Variants in SEMA3E observed in about 807,000 individuals in gnomAD.
The protein encoded by SEMA3E is semaphorin-3E.
Under a neutral mutation model 93.6 loss-of-function variants are expected in SEMA3E, and 49 were observed. That is an observed-to-expected ratio of 0.52 (90% CI 0.42 to 0.66). SEMA3E has a LOEUF of 0.66. Ranked by LOEUF, SEMA3E falls within the 30% of genes least tolerant of loss-of-function variation. The pLI is 0.00. For missense variants in SEMA3E, 906 were observed against 964.8 expected, an observed-to-expected ratio of 0.94 and a Z score of 0.81; for synonymous variants, 363 against 330.7, an observed-to-expected ratio of 1.10 and a Z score of -1.06.
chr7:83,616,863 T>C (rs1275282026), intron 1 of SEMA3E, among the ~76,000 whole-genome samples: 1 of 152,056 alleles, frequency 6.6e-6, no homozygotes. Context: ...TAGCTGGGAT[T>C]ACAGGAGCCT....
At chr7:83,605,712 G>A (rs1232361829) in intron 1 of SEMA3E, among the ~76,000 whole-genome samples, 3 of 152,110 alleles carry the variant, frequency 2.0e-5, no homozygotes, top group East Asian at 1.9e-4. Flanking sequence ...TTACAGGTAC[G>A]TGAGCCACTG....
At chr7:83,566,709 C>T (rs775638439) in intron 1 of SEMA3E, among the ~76,000 whole-genome samples, 36 of 152,210 alleles carry the variant, frequency 2.4e-4, no homozygotes, top group South Asian at 8.3e-4. Context: ...AGAACATAAT[C>T]TGGAAGCTAA....
At chr7:83,380,657 T>C (rs190659943) in intron 16 of SEMA3E, among the ~76,000 whole-genome samples, 1 of 152,114 alleles carries the variant, frequency 6.6e-6, no homozygotes, top group East Asian at 1.9e-4. Context: ...GAGACAATTT[T>C]CTTTTTCCTT....
At chr7:83,554,750 G>A (rs1280650800) in intron 1 of SEMA3E, among the ~76,000 whole-genome samples, 1 of 152,126 alleles carries the variant, frequency 6.6e-6, no homozygotes, top group African/African-American at 2.4e-5. Context: ...GCCGAGGTGG[G>A]CAGATCACGA....
chr7:83,440,283 A>G (rs891122221), intron 4 of SEMA3E, among the ~76,000 whole-genome samples: 4 of 152,126 alleles, frequency 2.6e-5, no homozygotes, highest in Non-Finnish European at 4.4e-5. Flanking sequence ...AGGAGAACAT[A>G]GGAGCCTATT....
intron 4 of SEMA3E, among the ~76,000 whole-genome samples, chr7:83,453,395 C>T (rs375183501): frequency 6.9e-6 from 1 of 145,858 alleles, no homozygotes; most frequent in South Asian, 2.2e-4. Flanking sequence ...AACTCCAATG[C>T]GTAAAATAAT....
chr7:83,493,348 A>T (rs1051668096), intron 1 of SEMA3E, among the ~76,000 whole-genome samples: 6 of 151,912 alleles, frequency 3.9e-5, no homozygotes, highest in Non-Finnish European at 5.9e-5. Context: ...AAATGATTAT[A>T]ATGTCAGTGA....
intron 10 of SEMA3E, 107 bp downstream of exon 10, chr7:83,402,525 A>T: frequency 1.0e-6 from 1 of 959,090 alleles, no homozygotes; most frequent in South Asian, 1.4e-5. Context: ...ACTTTTAGGT[A>T]TAGTATTCCT....
intron 4 of SEMA3E, among the ~76,000 whole-genome samples, chr7:83,463,259 G>C (rs1244639517): frequency 1.3e-5 from 2 of 151,872 alleles, no homozygotes; most frequent in Non-Finnish European, 2.9e-5. Context: ...TAGCCTTTAT[G>C]TCCAAACAAC....
intron 1 of SEMA3E, among the ~76,000 whole-genome samples, chr7:83,626,966 C>A (rs751007691): frequency 3.0e-4 from 45 of 152,154 alleles, no homozygotes; most frequent in Non-Finnish European, 5.6e-4. Flanking sequence ...GTTATTTACC[C>A]ACTAGTCATT....
At chr7:83,481,700 G>A (rs1221433175) in intron 2 of SEMA3E, among the ~76,000 whole-genome samples, 2 of 152,150 alleles carry the variant, frequency 1.3e-5, no homozygotes, top group Admixed American at 1.3e-4. Flanking sequence ...TTGGGAAAGA[G>A]TATGATCACA....
intron 1 of SEMA3E, among the ~76,000 whole-genome samples, chr7:83,561,417 A>G (rs978769840): frequency 2.6e-5 from 4 of 152,106 alleles, no homozygotes; most frequent in Admixed American, 2.0e-4. Flanking sequence ...ATTTCACTGT[A>G]GACTTTTCAG....
At chr7:83,373,388 A>G (rs1299923234) in intron 16 of SEMA3E, among the ~76,000 whole-genome samples, 2 of 152,156 alleles carry the variant, frequency 1.3e-5, no homozygotes, top group Non-Finnish European at 2.9e-5. Context: ...GACCAATTTT[A>G]TACATATACA....
chr7:83,450,570 A>G (rs1789338450), intron 4 of SEMA3E, among the ~76,000 whole-genome samples: 1 of 152,190 alleles, frequency 6.6e-6, no homozygotes, highest in South Asian at 2.1e-4. Context: ...CTATGATGAT[A>G]GAAATCATAA....
chr7:83,447,360 C>T (rs1026218940), intron 4 of SEMA3E, among the ~76,000 whole-genome samples: 1 of 151,998 alleles, frequency 6.6e-6, no homozygotes, highest in African/African-American at 2.4e-5. Flanking sequence ...TATGGTGAAA[C>T]CCCGTCTCTA....
intron 1 of SEMA3E, among the ~76,000 whole-genome samples, chr7:83,555,472 T>C (rs142331208): frequency 6.6e-6 from 1 of 152,342 alleles, no homozygotes; most frequent in Non-Finnish European, 1.5e-5. Context: ...TTTTATTAGA[T>C]AAAATTGTCA....
At chr7:83,537,780 C>T (rs1286256926) in intron 1 of SEMA3E, among the ~76,000 whole-genome samples, 1 of 152,146 alleles carries the variant, frequency 6.6e-6, no homozygotes, top group African/African-American at 2.4e-5. Context: ...ACCATCACAA[C>T]AGTCAATATT....
Position 83,405,402 on chromosome 7 carries a change from G to C in SEMA3E, c.998+48C>G, listed in dbSNP as rs755984442. Reference sequence around the variant, plus strand: ...ACACCATGAAGGGAGAGTCCGGTGAGGCATCTCTTGTTCTATATTGTTTTT... The same window carrying C: ...ACACCATGAAGGGAGAGTCCGGTGACGCATCTCTTGTTCTATATTGTTTTT... On this transcript the variant is annotated intron_variant, in intron 9 of 16. Transcript: ENST00000643230. 2.3e-6 allele frequency: 3 copies of C among 1,329,872 alleles called. No individual in the cohort carries two copies. In the South Asian group the frequency reaches 3.5e-5, roughly 16 times the overall value. The allele number at this position is 1,329,872 out of a possible 1,614,324, so 82.4% of individuals were successfully genotyped here.
Position 83,394,323 on chromosome 7 carries a change from T to A in SEMA3E, c.1474A>T (p.Ile492Phe), listed in dbSNP as rs1788077373. 1 of 1,612,864 alleles carries A rather than the reference T, an allele frequency of 6.2e-7. No individual in the cohort carries two copies. Among genetic ancestry groups the A allele is most frequent in the Non-Finnish European group, 8.5e-7 (1 of 1,179,608 alleles). ...LQIFKDPVPI[I>F]SMEISSKRQQ... ...CGCTTTGAAGAAATCTCCATAGAAA[T>A]AATAGGAACTGGATCCTGAAATTTT... Residue 492 changes from isoleucine (I) to phenylalanine (F), a missense_variant, in exon 13 of 17, where the codon ATT (isoleucine) becomes TTT (phenylalanine). By Grantham distance (21) the Ile-to-Phe change is conservative. Transcript: ENST00000643230.
Sources: gnomAD v4.1 joint callset for allele counts (sites outside exome capture counted in the v4.1 genomes callset) on GRCh38, gnomAD v4.1.1 for gene constraint, MANE v1.5 for transcripts, NCBI Gene and HGNC (gene_info 2026-07-23, HGNC 2026-07-21) for gene names.